Variants in OLFM3 observed in about 807,000 individuals in gnomAD.
The protein encoded by OLFM3 is olfactomedin 3, also known as noelin-3.
OLFM3 carries 20 observed loss-of-function variants against 48.6 expected under a neutral mutation model. That is an observed-to-expected ratio of 0.41 (90% confidence interval 0.29 to 0.60). OLFM3 has a LOEUF of 0.60. Ranked by LOEUF, OLFM3 falls within the 20% of genes least tolerant of loss-of-function variation. The probability of loss-of-function intolerance (pLI) is 0.28; values close to 1 mark genes in which losing one functional copy is unlikely to be tolerated. For missense variants in OLFM3, 437 were observed against 544.3 expected (o/e 0.80, Z 1.96); for synonymous variants, 222 against 198.1 (o/e 1.12, Z -1.01).
intron 1 of OLFM3, among the ~76,000 whole-genome samples, chr1:101,858,901 C>T (rs1460350150): frequency 6.6e-6 from 1 of 152,032 alleles, no homozygotes; most frequent in African/African-American, 2.4e-5. Flanking sequence ...CTAATACAGT[C>T]ATTAACTGTT....
chr1:101,892,821 G>A (rs1658056436), intron 1 of OLFM3, among the ~76,000 whole-genome samples: 1 of 152,006 alleles, frequency 6.6e-6, no homozygotes, highest in African/African-American at 2.4e-5. Flanking sequence ...CTTTCCAAAA[G>A]AGAATGTGTT....
intron 4 of OLFM3, among the ~76,000 whole-genome samples, chr1:101,823,918 G>A (rs574625572): frequency 6.6e-6 from 1 of 150,740 alleles, no homozygotes; most frequent in African/African-American, 2.4e-5. Context: ...AGCCTCCGAT[G>A]TAGCAATTTC....
At chr1:101,899,800 ATAAAT>A (rs1365878232) in intron 1 of OLFM3, among the ~76,000 whole-genome samples, 3 of 152,194 alleles carry the variant, frequency 2.0e-5, no homozygotes, top group Non-Finnish European at 4.4e-5. Context: ...TAATATGTAA[ATAAAT>A]AATTTAAACT....
chr1:101,919,021 A>G (rs1557730252), intron 1 of OLFM3, among the ~76,000 whole-genome samples: 5 of 152,150 alleles, frequency 3.3e-5, no homozygotes, highest in Non-Finnish European at 7.4e-5. Context: ...ATAAATTTAC[A>G]TTTGTATTTT....
intron 4 of OLFM3, 62 bp downstream of exon 4, chr1:101,824,964 G>A (rs2100898627): frequency 7.1e-7 from 1 of 1,404,046 alleles, no homozygotes; most frequent in East Asian, 2.3e-5. Context: ...AAACGTAAGA[G>A]CACAATTTTC....
At chr1:101,825,002 G>C in intron 4 of OLFM3, 24 bp downstream of exon 4, 1 of 1,592,432 alleles carries the variant, frequency 6.3e-7, no homozygotes, top group Non-Finnish European at 8.6e-7. Flanking sequence ...ACGTAACTTA[G>C]ACAAATTAAA....
At chr1:101,955,146 T>C (rs1660250192) in intron 1 of OLFM3, among the ~76,000 whole-genome samples, 1 of 152,032 alleles carries the variant, frequency 6.6e-6, no homozygotes, top group Non-Finnish European at 1.5e-5. Context: ...TTTTCTACTA[T>C]GGTACCTATA....
At chr1:101,834,192 T>C (rs191310879) in intron 2 of OLFM3, among the ~76,000 whole-genome samples, 7 of 152,286 alleles carry the variant, frequency 4.6e-5, no homozygotes, top group East Asian at 1.9e-4. Flanking sequence ...TGGTACAGCA[T>C]TGAGAAAATG....
intron 4 of OLFM3, among the ~76,000 whole-genome samples, chr1:101,818,728 CA>C: frequency 6.6e-6 from 1 of 152,144 alleles, no homozygotes; most frequent in Middle Eastern, 3.4e-3. Flanking sequence ...GCAATGACAA[CA>C]AACATGAAAA....
intron 1 of OLFM3, among the ~76,000 whole-genome samples, chr1:101,969,253 G>A (rs1331024759): frequency 1.3e-5 from 2 of 151,702 alleles, no homozygotes; most frequent in East Asian, 1.9e-4. Flanking sequence ...AGGCTCAAGC[G>A]ATCCTCCTGC....
At chr1:101,862,275 C>T (rs868211109) in intron 1 of OLFM3, among the ~76,000 whole-genome samples, 3 of 152,230 alleles carry the variant, frequency 2.0e-5, no homozygotes, top group Admixed American at 6.5e-5. Context: ...TGATTTCAAA[C>T]GGCAGAGTTT....
At chr1:101,814,669 A>G (rs1046831631) in intron 4 of OLFM3, among the ~76,000 whole-genome samples, 1 of 152,214 alleles carries the variant, frequency 6.6e-6, no homozygotes, top group African/African-American at 2.4e-5. Flanking sequence ...CATGGGTTAA[A>G]GAGTCGGCCT....
chr1:101,984,074 C>T (rs901850358), intron 1 of OLFM3, among the ~76,000 whole-genome samples: 1 of 151,928 alleles, frequency 6.6e-6, no homozygotes, highest in Non-Finnish European at 1.5e-5. Context: ...CATGGCAAAA[C>T]CGCAGCTCTA....
intron 1 of OLFM3, among the ~76,000 whole-genome samples, chr1:101,841,137 G>C (rs1655699338): frequency 6.6e-6 from 1 of 152,098 alleles, no homozygotes; most frequent in Non-Finnish European, 1.5e-5. Flanking sequence ...GGCTTCAGGG[G>C]CTTTGTAATA....
At chr1:101,989,402 A>C (rs1480381123) in intron 1 of OLFM3, among the ~76,000 whole-genome samples, 2 of 152,104 alleles carry the variant, frequency 1.3e-5, no homozygotes, top group Non-Finnish European at 2.9e-5. Context: ...GGCACTGTAG[A>C]TAGAGATGGT....
intron 1 of OLFM3, among the ~76,000 whole-genome samples, chr1:101,994,965 T>C (rs1056828327): frequency 3.9e-5 from 6 of 152,048 alleles, no homozygotes; most frequent in African/African-American, 7.2e-5. Context: ...GAAAAGATTA[T>C]ATTGACCAAA....
At chr1:101,847,462 T>C (rs1288380007) in intron 1 of OLFM3, among the ~76,000 whole-genome samples, 1 of 152,162 alleles carries the variant, frequency 6.6e-6, no homozygotes, top group African/African-American at 2.4e-5. Flanking sequence ...CAGAGTGCTT[T>C]TAGGAAGAAC....
intron 1 of OLFM3, among the ~76,000 whole-genome samples, chr1:101,974,815 T>G (rs1660905948): frequency 1.3e-5 from 2 of 152,144 alleles, no homozygotes; most frequent in African/African-American, 4.8e-5. Flanking sequence ...ATAAGCCCCA[T>G]GTAGTAGGGA....
intron 1 of OLFM3, among the ~76,000 whole-genome samples, chr1:101,894,296 T>C (rs1402125606): frequency 1.3e-5 from 2 of 152,166 alleles, no homozygotes; most frequent in Admixed American, 6.5e-5. Flanking sequence ...AGTAAGTTAA[T>C]AGAAGGTATA....
Sources: gnomAD v4.1 joint callset for allele counts (sites outside exome capture counted in the v4.1 genomes callset) on GRCh38, gnomAD v4.1.1 for gene constraint, MANE v1.5 for transcripts, NCBI Gene and HGNC (gene_info 2026-07-23, HGNC 2026-07-21) for gene names.